FHIT: variants seen among roughly 807,000 people sequenced by gnomAD.
The protein encoded by FHIT is bis(5'-adenosyl)-triphosphatase.
Under a neutral mutation model 17.9 loss-of-function variants are expected in FHIT, and 19 were observed. The observed-to-expected ratio is 1.06, with a 90% confidence interval of 0.74 to 1.56. The LOEUF (loss-of-function observed/expected upper bound fraction) is 1.56, where lower values mean the gene tolerates loss of function less well. Ranked by LOEUF, FHIT falls within the 40% of genes most tolerant of loss-of-function variation. FHIT has a pLI of 0.00. For synonymous variants in FHIT, 81 were observed against 69.7 expected (o/e 1.16, Z -0.81); for missense variants, 248 against 189.2 (o/e 1.31, Z -1.82).
intron 4 of FHIT, among the ~76,000 whole-genome samples, chr3:60,643,901 G>T (rs2039789087): frequency 6.6e-6 from 1 of 152,162 alleles, no homozygotes; most frequent in African/African-American, 2.4e-5. Flanking sequence ...TATGAGACTT[G>T]AACAGTCCAC....
intron 8 of FHIT, among the ~76,000 whole-genome samples, chr3:59,863,149 C>G (rs1702481294): frequency 6.6e-6 from 1 of 152,198 alleles, no homozygotes; most frequent in Non-Finnish European, 1.5e-5. Flanking sequence ...ATTTAGAAAC[C>G]TGGGTCAATG....
intron 5 of FHIT, among the ~76,000 whole-genome samples, chr3:60,075,737 T>C (rs1199210768): frequency 5.3e-5 from 8 of 152,094 alleles, no homozygotes; most frequent in Non-Finnish European, 7.4e-5. Context: ...CTATAATACA[T>C]GGCCATCAAT....
intron 1 of FHIT, among the ~76,000 whole-genome samples, chr3:61,223,568 T>C (rs898073820): frequency 2.0e-5 from 3 of 152,206 alleles, no homozygotes; most frequent in African/African-American, 7.2e-5. Flanking sequence ...AATTAAAAAG[T>C]GATAAACATT....
chr3:60,259,319 T>C (rs1311874289), intron 5 of FHIT, among the ~76,000 whole-genome samples: 1 of 152,144 alleles, frequency 6.6e-6, no homozygotes, highest in Non-Finnish European at 1.5e-5. Context: ...ACATAGCAGA[T>C]GAGCGGCTGG....
intron 4 of FHIT, chr3:60,617,122 C>G (rs112086090): frequency 4.6e-6 from 1 of 219,186 alleles, no homozygotes; most frequent in Non-Finnish European, 9.8e-6. Context: ...GATGTTTCTT[C>G]GTTCCAAAGG....
chr3:61,088,526 G>C (rs1031027136), intron 2 of FHIT, among the ~76,000 whole-genome samples: 1 of 152,056 alleles, frequency 6.6e-6, no homozygotes, highest in Non-Finnish European at 1.5e-5. Context: ...AATTTTTAAA[G>C]TATAGATGTA....
At chr3:60,767,320 C>T (rs1370552778) in intron 4 of FHIT, among the ~76,000 whole-genome samples, 3 of 152,142 alleles carry the variant, frequency 2.0e-5, no homozygotes, top group Non-Finnish European at 4.4e-5. Flanking sequence ...ACAATGATGA[C>T]CATGCACAGA....
chr3:60,118,765 T>C (rs1705099690), intron 5 of FHIT, among the ~76,000 whole-genome samples: 1 of 1,274 alleles, frequency 7.8e-4, no homozygotes, highest in South Asian at 0.045. Context: ...GAGGCTGAGG[T>C]GGGGGCGGCG....
At chr3:60,354,064 G>A (rs148869660) in intron 5 of FHIT, among the ~76,000 whole-genome samples, 2,404 of 152,054 alleles carry the variant, frequency 0.016, 28 homozygotes, top group Middle Eastern at 0.058. Context: ...AATGTCTCAC[G>A]ATAAAAAAGT....
intron 5 of FHIT, among the ~76,000 whole-genome samples, chr3:60,111,436 G>A (rs557860341): frequency 6.6e-6 from 1 of 152,254 alleles, no homozygotes; most frequent in South Asian, 2.1e-4. Flanking sequence ...TAAAACCACT[G>A]ATATATAATA....
At chr3:60,840,817 C>T (rs1488504500) in intron 3 of FHIT, among the ~76,000 whole-genome samples, 1 of 152,062 alleles carries the variant, frequency 6.6e-6, no homozygotes, top group East Asian at 1.9e-4. Context: ...GAAGTTTTGC[C>T]CATATCATGA....
At chr3:61,029,043 T>C (rs1025468527) in intron 3 of FHIT, among the ~76,000 whole-genome samples, 11 of 152,146 alleles carry the variant, frequency 7.2e-5, no homozygotes, top group Admixed American at 7.2e-4. Flanking sequence ...GGTTCAAATA[T>C]ACACTCATTC....
At chr3:60,270,775 G>A (rs1431906986) in intron 5 of FHIT, among the ~76,000 whole-genome samples, 3 of 152,170 alleles carry the variant, frequency 2.0e-5, no homozygotes, top group African/African-American at 7.2e-5. Flanking sequence ...GGCGAAGAAG[G>A]TAATGGCAAA....
chr3:59,950,491 C>T (rs1707060964), intron 7 of FHIT, among the ~76,000 whole-genome samples: 1 of 152,178 alleles, frequency 6.6e-6, no homozygotes, highest in Non-Finnish European at 1.5e-5. Context: ...TCACTCACTC[C>T]CCTCTTATAT....
chr3:61,037,158 G>A (rs1559929443), intron 3 of FHIT, among the ~76,000 whole-genome samples: 2 of 152,052 alleles, frequency 1.3e-5, no homozygotes, highest in Non-Finnish European at 1.5e-5. Flanking sequence ...TGATCCATCC[G>A]TCTCGGTCTC....
chr3:60,016,637 T>C (rs1426333349), intron 5 of FHIT, among the ~76,000 whole-genome samples: 1 of 152,184 alleles, frequency 6.6e-6, no homozygotes, highest in African/African-American at 2.4e-5. Context: ...GAGAGATGAA[T>C]GCTATTGGTA....
intron 7 of FHIT, among the ~76,000 whole-genome samples, chr3:59,947,141 C>T (rs1351901131): frequency 1.3e-5 from 2 of 152,088 alleles, no homozygotes; most frequent in African/African-American, 2.4e-5. Flanking sequence ...CTGTCTGGTC[C>T]GTGGCTTTTT....
intron 8 of FHIT, among the ~76,000 whole-genome samples, chr3:59,787,943 C>T (rs746143684): frequency 8.5e-5 from 13 of 152,178 alleles, no homozygotes; most frequent in East Asian, 1.9e-4. Context: ...ATCTTTTTAC[C>T]GTAGAGTGAA....
intron 5 of FHIT, among the ~76,000 whole-genome samples, chr3:60,371,884 A>G (rs370273280): frequency 6.6e-6 from 1 of 150,578 alleles, no homozygotes; most frequent in Non-Finnish European, 1.5e-5. Context: ...TCTAACAGAT[A>G]AATCAAATGG....
Sources: gnomAD v4.1 joint callset for allele counts (sites outside exome capture counted in the v4.1 genomes callset) on GRCh38, gnomAD v4.1.1 for gene constraint, MANE v1.5 for transcripts, NCBI Gene and HGNC (gene_info 2026-07-23, HGNC 2026-07-21) for gene names.